Variants in ABCC6 observed in about 807,000 individuals in gnomAD.
ABCC6 encodes the protein ATP binding cassette subfamily C member 6.
Under a neutral mutation model 169.5 loss-of-function variants are expected in ABCC6, and 126 were observed. That is an observed-to-expected ratio of 0.74 (90% CI 0.64 to 0.86). ABCC6 has a LOEUF of 0.86. Ranked by LOEUF, ABCC6 falls within the 40% of genes least tolerant of loss-of-function variation. The probability of loss-of-function intolerance (pLI) is 0.00; values close to 1 mark genes in which losing one functional copy is unlikely to be tolerated. For synonymous variants in ABCC6, 752 were observed against 814.7 expected, an observed-to-expected ratio of 0.92 and a Z score of 1.31; for missense variants, 1,733 against 1,927.2, an observed-to-expected ratio of 0.90 and a Z score of 1.89.
chr16:16,216,003 T>G (rs3021046), intron 4 of ABCC6, among the ~76,000 whole-genome samples: 11 of 152,254 alleles, frequency 7.2e-5, no homozygotes, highest in East Asian at 1.9e-4. Context: ...CACTGCAACC[T>G]CCGTCTCCTG....
chr16:16,192,667 G>A (rs1465831721), intron 11 of ABCC6, among the ~76,000 whole-genome samples, 163 bp downstream of exon 11: 2 of 151,832 alleles, frequency 1.3e-5, no homozygotes, highest in Non-Finnish European at 2.9e-5. Flanking sequence ...TGAGAGGATA[G>A]GGGGAGGGGG....
At chr16:16,192,426 A>G (rs1450472757) in intron 11 of ABCC6, among the ~76,000 whole-genome samples, 1 of 151,866 alleles carries the variant, frequency 6.6e-6, no homozygotes, top group Non-Finnish European at 1.5e-5. Context: ...TCTGGCTGGG[A>G]GTGGAGAGAG....
At chr16:16,198,715 C>T (rs1355327775) in intron 9 of ABCC6, among the ~76,000 whole-genome samples, 8 of 150,594 alleles carry the variant, frequency 5.3e-5, no homozygotes, top group African/African-American at 9.7e-5. Flanking sequence ...GCCAGGGGGC[C>T]GGGTGCGGTG....
intron 13 of ABCC6, 102 bp downstream of exon 13, chr16:16,188,729 C>G: frequency 2.0e-6 from 3 of 1,471,774 alleles, no homozygotes; most frequent in Non-Finnish European, 2.8e-6. Flanking sequence ...CCCTCCCACT[C>G]TGTCTTCCCT....
At chr16:16,154,821 G>T in intron 28 of ABCC6, 27 bp from the exon 29 acceptor site, 2 of 1,608,662 alleles carry the variant, frequency 1.2e-6, no homozygotes, top group Non-Finnish European at 1.7e-6. Context: ...GTGGGTCAGA[G>T]CCGGGTCCCA....
At chr16:16,155,482 A>C in intron 27 of ABCC6, 1 of 191,538 alleles carries the variant, frequency 5.2e-6, no homozygotes, top group Non-Finnish European at 1.1e-5. Flanking sequence ...CCATTCATCC[A>C]TCCATTCATC....
Position 16,150,734 on chromosome 16 carries a change from A to C in ABCC6, c.4247T>G (p.Leu1416Arg), listed in dbSNP as rs58626288. The C allele has an allele frequency of 1.2e-6, 2 of 1,613,892 alleles. No individual in the cohort carries two copies. Among genetic ancestry groups the C allele is most frequent in the African/African-American group, 1.3e-5 (1 of 75,076 alleles). ...QKQLLCLARA[L>R]LRKTQILILD... ...GATGAGGATCTGGGTCTTCCGGAGA[A>C]GGGCACGTGCCAGACACAGGAGCTG... The change falls in exon 30 of 31, where the codon CTT (leucine) becomes CGT (arginine). Residue 1416 changes from leucine (L) to arginine (R), a missense_variant. Leu to Arg is a moderately radical substitution (Grantham distance 102, BLOSUM62 -2). This residue lies in a region of ABCC6 where 1,601 missense variants were observed against 1,635.5 expected (regional missense o/e 0.98). Transcript: ENST00000205557.
chr16:16,200,194 G>A (rs1306846749), intron 9 of ABCC6, among the ~76,000 whole-genome samples: 1 of 152,140 alleles, frequency 6.6e-6, no homozygotes, highest in Non-Finnish European at 1.5e-5. Context: ...CACTTTGGGA[G>A]GCTGAGGTGG....
chr16:16,203,752 C>T, intron 7 of ABCC6, 139 bp from the exon 8 acceptor site: 2 of 959,686 alleles, frequency 2.1e-6, no homozygotes, highest in Admixed American at 4.0e-5. Flanking sequence ...TCACCTGTTC[C>T]TCCTTATCAC....
intron 29 of ABCC6, among the ~76,000 whole-genome samples, chr16:16,153,738 T>C (rs1380453681): frequency 6.6e-6 from 1 of 151,394 alleles, no homozygotes; most frequent in African/African-American, 2.4e-5. Context: ...ACCCTGTCTC[T>C]ACAAAAAATA....
chr16:16,208,615 G>T, intron 7 of ABCC6, 113 bp downstream of exon 7: 2 of 1,551,990 alleles, frequency 1.3e-6, no homozygotes, highest in Non-Finnish European at 1.8e-6. Context: ...CTTGTGATCC[G>T]CCTGCCTCGG....
intron 4 of ABCC6, among the ~76,000 whole-genome samples, chr16:16,214,929 C>T (rs1461382598): frequency 1.3e-5 from 2 of 152,188 alleles, no homozygotes; most frequent in Admixed American, 1.3e-4. Context: ...TTTCAAATAC[C>T]CAATTTATAA....
At chr16:16,221,896 G>C in intron 1 of ABCC6, 65 bp from the exon 2 acceptor site, 1 of 1,611,702 alleles carries the variant, frequency 6.2e-7, no homozygotes, top group Non-Finnish European at 8.5e-7. Context: ...CACCTGCCCA[G>C]GGGGCCAGGC....
chr16:16,200,949 A>C (rs2048216624), intron 9 of ABCC6, among the ~76,000 whole-genome samples: 1 of 151,812 alleles, frequency 6.6e-6, no homozygotes, highest in Admixed American at 6.6e-5. Context: ...GCCCAGATGC[A>C]ATTTGGGTTT....
chr16:16,204,151 G>A (rs1191322585), intron 7 of ABCC6, among the ~76,000 whole-genome samples: 2 of 151,778 alleles, frequency 1.3e-5, no homozygotes, highest in Non-Finnish European at 2.9e-5. Flanking sequence ...CCACTTCCCA[G>A]TTCAAGTGAT....
rs1349967679 is a variant in ABCC6, at chr16:16,172,120, A to C, written c.2787+1164T>G. 3.7e-4 allele frequency among the ~76,000 whole-genome samples: 45 copies of C among 121,492 alleles called. 1 individual carries two copies. The highest frequency in any genetic ancestry group is 7.4e-4 in the Admixed American group (9 of 12,188). The allele number at this position is 121,492 out of a possible 152,430, so 79.7% of individuals were successfully genotyped here. ...ATGGCTAAATGAGTGGGTGGGATGG[A>C]TAAATGAATGGATGGGATGCATAAA... On this transcript the variant is annotated intron_variant, in intron 21 of 30. Transcript: ENST00000205557.
chr16:16,157,458 G>A (rs1276172314), intron 27 of ABCC6, among the ~76,000 whole-genome samples: 2 of 152,106 alleles, frequency 1.3e-5, no homozygotes, highest in Non-Finnish European at 2.9e-5. Flanking sequence ...CTCATCTGGG[G>A]ACACCAAGGT....
intron 14 of ABCC6, among the ~76,000 whole-genome samples, chr16:16,186,789 C>A (rs1008193916): frequency 6.6e-6 from 1 of 151,858 alleles, no homozygotes; most frequent in African/African-American, 2.4e-5. Context: ...CCCAAAACCA[C>A]GCGCCTCTCC....
chr16:16,220,723 C>G (rs1197941234), intron 2 of ABCC6, among the ~76,000 whole-genome samples: 1 of 152,054 alleles, frequency 6.6e-6, no homozygotes, highest in Non-Finnish European at 1.5e-5. Flanking sequence ...TGGCGAAACC[C>G]TGTTTCTACT....
Sources: allele counts gnomAD v4.1 joint callset (sites outside exome capture counted in the v4.1 genomes callset), GRCh38; gene constraint gnomAD v4.1.1; regional missense constraint gnomAD v4.1.1; transcripts MANE v1.5; gene names NCBI Gene and HGNC (gene_info 2026-07-23, HGNC 2026-07-21).